Variants in CADM2 observed in about 807,000 individuals in gnomAD.
CADM2 encodes the protein immunoglobulin superfamily member 4D.
CADM2 carries 12 observed loss-of-function variants against 49.8 expected under a neutral mutation model. The ratio of observed to expected loss-of-function variants is 0.24; its 90% CI spans 0.15 to 0.39. CADM2 has a LOEUF of 0.39. CADM2 is among the 10% of genes least tolerant of loss of function. The pLI is 1.00. For missense variants in CADM2, 378 were observed against 492.3 expected, an observed-to-expected ratio of 0.77 and a Z score of 2.20; for synonymous variants, 214 against 175.4, an observed-to-expected ratio of 1.22 and a Z score of -1.74.
At chr3:85,446,611 T>TC (rs1237367548) in intron 1 of CADM2, among the ~76,000 whole-genome samples, 1 of 150,078 alleles carries the variant, frequency 6.7e-6, no homozygotes, top group African/African-American at 2.4e-5. Context: ...TTTGTTTTTT[T>TC]TTTTTTTTGA....
chr3:85,505,632 C>A (rs988206497), intron 1 of CADM2, among the ~76,000 whole-genome samples: 1 of 152,114 alleles, frequency 6.6e-6, no homozygotes, highest in Non-Finnish European at 1.5e-5. Flanking sequence ...AGTCACAGAA[C>A]CTTTGTCATA....
At chr3:85,505,823 C>A (rs891317989) in intron 1 of CADM2, among the ~76,000 whole-genome samples, 1 of 152,130 alleles carries the variant, frequency 6.6e-6, no homozygotes, top group Non-Finnish European at 1.5e-5. Flanking sequence ...TTGAATTAAA[C>A]ATATGTTAGC....
intron 1 of CADM2, among the ~76,000 whole-genome samples, chr3:85,387,141 GC>G (rs529849407): frequency 6.6e-6 from 1 of 152,058 alleles, no homozygotes; most frequent in Non-Finnish European, 1.5e-5. Context: ...GTTGAAAGTA[GC>G]AAAAAGGGAT....
chr3:85,309,811 CTA>C (rs1235901935), intron 1 of CADM2, among the ~76,000 whole-genome samples: 6 of 152,294 alleles, frequency 3.9e-5, no homozygotes, highest in Admixed American at 6.5e-5. Flanking sequence ...CACACAAGGA[CTA>C]TATTACTTTA....
chr3:85,725,440 T>G (rs2067661890), intron 1 of CADM2, among the ~76,000 whole-genome samples: 1 of 151,972 alleles, frequency 6.6e-6, no homozygotes, highest in Non-Finnish European at 1.5e-5. Context: ...CAAACAAGAC[T>G]GCACATTTCC....
intron 1 of CADM2, among the ~76,000 whole-genome samples, chr3:85,081,067 A>G (rs2037144227): frequency 6.6e-6 from 1 of 152,128 alleles, no homozygotes; most frequent in African/African-American, 2.4e-5. Context: ...TATAATTCCA[A>G]TAATCCTAAA....
intron 8 of CADM2, among the ~76,000 whole-genome samples, chr3:85,987,559 A>G (rs1235034603): frequency 6.7e-6 from 1 of 148,524 alleles, no homozygotes; most frequent in Admixed American, 6.8e-5. Flanking sequence ...TAAAAAATTC[A>G]TTTTTATATA....
intron 3 of CADM2, among the ~76,000 whole-genome samples, chr3:85,851,330 A>G (rs531055594): frequency 4.6e-5 from 7 of 151,964 alleles, no homozygotes; most frequent in Admixed American, 1.3e-4. Context: ...TGTCAGAGTG[A>G]TTTTTCCTAA....
intron 1 of CADM2, among the ~76,000 whole-genome samples, chr3:85,563,755 C>A (rs2062169948): frequency 6.6e-6 from 1 of 152,056 alleles, no homozygotes; most frequent in African/African-American, 2.4e-5. Flanking sequence ...TGACTAGCAA[C>A]CGAAAATGAA....
chr3:85,030,531 T>C (rs1162044570), intron 1 of CADM2, among the ~76,000 whole-genome samples: 1 of 152,180 alleles, frequency 6.6e-6, no homozygotes, highest in Non-Finnish European at 1.5e-5. Flanking sequence ...TCTTTGTTTT[T>C]ATGAACTTTT....
intron 1 of CADM2, among the ~76,000 whole-genome samples, chr3:85,643,762 A>T (rs1401654074): frequency 1.3e-5 from 2 of 152,172 alleles, no homozygotes; most frequent in East Asian, 3.8e-4. Context: ...CATTTGTCAA[A>T]TATAATCTGA....
intron 1 of CADM2, among the ~76,000 whole-genome samples, chr3:85,683,524 T>A (rs967015653): frequency 6.6e-6 from 1 of 152,196 alleles, no homozygotes; most frequent in Non-Finnish European, 1.5e-5. Context: ...TATTGCAAAA[T>A]CTTGATTTTC....
At chr3:85,506,677 G>C (rs1472344787) in intron 1 of CADM2, among the ~76,000 whole-genome samples, 1 of 151,960 alleles carries the variant, frequency 6.6e-6, no homozygotes, top group Non-Finnish European at 1.5e-5. Flanking sequence ...TAGGACTACA[G>C]GCACACACCA....
intron 1 of CADM2, among the ~76,000 whole-genome samples, chr3:85,625,247 A>G (rs2064091191): frequency 6.6e-6 from 1 of 152,116 alleles, no homozygotes; most frequent in East Asian, 1.9e-4. Context: ...TTTTGCAAGA[A>G]TTTAGTATTA....
At chr3:85,566,230 A>G (rs1045689234) in intron 1 of CADM2, among the ~76,000 whole-genome samples, 1 of 152,068 alleles carries the variant, frequency 6.6e-6, no homozygotes, top group African/African-American at 2.4e-5. Flanking sequence ...ACTTGCATCA[A>G]TTTGATAGCA....
intron 6 of CADM2, among the ~76,000 whole-genome samples, chr3:85,918,773 T>C (rs1369990420): frequency 2.0e-5 from 3 of 152,076 alleles, no homozygotes; most frequent in Non-Finnish European, 2.9e-5. Context: ...GAAAAACCAC[T>C]TTTAAAAATT....
At chr3:85,847,211 A>C (rs529273548) in intron 3 of CADM2, among the ~76,000 whole-genome samples, 2 of 152,324 alleles carry the variant, frequency 1.3e-5, no homozygotes, top group Non-Finnish European at 2.9e-5. Context: ...TATCACCAAC[A>C]AAATCTAGAA....
At position 85,383,113 on chromosome 3, in the gene CADM2, A is replaced by T. The variant is rs536372787; in HGVS notation, c.62-343409A>T. ...GTTCAAACTGTGTTCAAATAAGGCA[A>T]CCTCCAAGCTGTAAACAATCCAGCT... is the stretch of plus-strand genomic sequence containing the variant. On this transcript the variant is annotated intron_variant, in intron 1 of 9. Coordinates refer to ENST00000383699, the MANE Select transcript of CADM2 (RefSeq NM_001167675.2). 5.3e-5 allele frequency among the ~76,000 whole-genome samples: 8 copies of T among 152,258 alleles called. No homozygotes were observed. The South Asian group carries it at 1.4e-3, about 28-fold the overall frequency.
intron 1 of CADM2, among the ~76,000 whole-genome samples, chr3:85,515,046 A>G (rs1361264887): frequency 6.6e-6 from 1 of 152,154 alleles, no homozygotes; most frequent in Admixed American, 6.6e-5. Context: ...AAAATAGTAC[A>G]AAAAGTCTTT....
Sources: gnomAD v4.1 joint callset for allele counts (sites outside exome capture counted in the v4.1 genomes callset) on GRCh38, gnomAD v4.1.1 for gene constraint, MANE v1.5 for transcripts, NCBI Gene and HGNC (gene_info 2026-07-23, HGNC 2026-07-21) for gene names.